The following TBC1D5 variants were observed in gnomAD, a reference collection of about 807,000 sequenced individuals.
TBC1D5 encodes TBC1 domain family member 5.
Under a neutral mutation model 100.3 loss-of-function variants are expected in TBC1D5, and 75 were observed. The observed-to-expected ratio is 0.75, with a 90% confidence interval of 0.62 to 0.91. The LOEUF (loss-of-function observed/expected upper bound fraction) is 0.91, where lower values mean the gene tolerates loss of function less well. Ranked by LOEUF, TBC1D5 falls within the 40% of genes least tolerant of loss-of-function variation. TBC1D5 has a pLI of 0.00. For missense variants in TBC1D5, 910 were observed against 942.4 expected (o/e 0.97, Z 0.45); for synonymous variants, 323 against 325.6 (o/e 0.99, Z 0.09).
intron 19 of TBC1D5, among the ~76,000 whole-genome samples, chr3:17,181,627 C>T (rs1033127767): frequency 6.6e-6 from 1 of 152,176 alleles, no homozygotes; most frequent in Non-Finnish European, 1.5e-5. Context: ...ACTTCACCAC[C>T]CTTACAACTG....
chr3:17,627,677 A>C (rs1163092974), intron 1 of TBC1D5, among the ~76,000 whole-genome samples: 1 of 151,448 alleles, frequency 6.6e-6, no homozygotes, highest in African/African-American at 2.4e-5. Flanking sequence ...TTTTTGAGAG[A>C]GAGAGAGAGA....
intron 2 of TBC1D5, among the ~76,000 whole-genome samples, chr3:17,573,853 A>G (rs1405661880): frequency 6.6e-6 from 1 of 151,896 alleles, no homozygotes; most frequent in African/African-American, 2.4e-5. Context: ...TCATCACACT[A>G]GATGTTAATT....
chr3:17,247,674 G>C (rs987707482), intron 16 of TBC1D5, among the ~76,000 whole-genome samples: 2 of 152,190 alleles, frequency 1.3e-5, no homozygotes, highest in Non-Finnish European at 2.9e-5. Flanking sequence ...AATAGCACAT[G>C]ATGCTATTTG....
intron 2 of TBC1D5, among the ~76,000 whole-genome samples, chr3:17,540,060 T>C (rs2096333618): frequency 6.6e-6 from 1 of 152,204 alleles, no homozygotes; most frequent in South Asian, 2.1e-4. Flanking sequence ...TGGTATTTCA[T>C]TATAGTTTTG....
chr3:17,736,259 T>C (rs1560588082), intron 1 of TBC1D5, among the ~76,000 whole-genome samples: 3 of 151,916 alleles, frequency 2.0e-5, no homozygotes, highest in Non-Finnish European at 4.4e-5. Flanking sequence ...ACCTTGTCTC[T>C]AAAAAATAAA....
At chr3:17,471,965 A>G (rs893566428) in intron 3 of TBC1D5, among the ~76,000 whole-genome samples, 3 of 152,174 alleles carry the variant, frequency 2.0e-5, no homozygotes, top group Non-Finnish European at 2.9e-5. Flanking sequence ...ACCCTTTAAC[A>G]TACTAAAATA....
chr3:17,162,383 C>G (rs931263977), intron 21 of TBC1D5, among the ~76,000 whole-genome samples: 4 of 152,244 alleles, frequency 2.6e-5, no homozygotes, highest in Admixed American at 1.3e-4. Context: ...TGGCCTTGAG[C>G]CCTGTCTGAT....
At chr3:17,348,598 C>T (rs2151606146) in intron 13 of TBC1D5, among the ~76,000 whole-genome samples, 1 of 152,248 alleles carries the variant, frequency 6.6e-6, no homozygotes, top group Admixed American at 6.5e-5. Context: ...TTTCTCTTGC[C>T]ACTTTCCACT....
At chr3:17,422,836 T>C (rs1029921161) in intron 4 of TBC1D5, among the ~76,000 whole-genome samples, 1 of 152,174 alleles carries the variant, frequency 6.6e-6, no homozygotes, top group Non-Finnish European at 1.5e-5. Flanking sequence ...TTATTGATTA[T>C]ATGCAACTAA....
chr3:17,392,971 A>C (rs929928328), intron 8 of TBC1D5, among the ~76,000 whole-genome samples: 1 of 151,720 alleles, frequency 6.6e-6, no homozygotes, highest in African/African-American at 2.4e-5. Flanking sequence ...ACTAATTTAC[A>C]CTCCCACCAA....
At chr3:17,200,558 A>G (rs2071342392) in intron 18 of TBC1D5, among the ~76,000 whole-genome samples, 1 of 152,270 alleles carries the variant, frequency 6.6e-6, no homozygotes, top group Non-Finnish European at 1.5e-5. Context: ...ATGCCCCTGC[A>G]ACCGCATCTG....
chr3:17,677,267 A>G (rs531427684), intron 1 of TBC1D5, among the ~76,000 whole-genome samples: 1 of 152,340 alleles, frequency 6.6e-6, no homozygotes, highest in East Asian at 1.9e-4. Context: ...ACAAAGGGCT[A>G]ATATCCAGAA....
chr3:17,173,192 T>C (rs1035895883), intron 19 of TBC1D5, among the ~76,000 whole-genome samples: 9 of 152,228 alleles, frequency 5.9e-5, no homozygotes, highest in African/African-American at 1.9e-4. Context: ...GGTCTGTTAT[T>C]TGAGGTCTCA....
intron 2 of TBC1D5, among the ~76,000 whole-genome samples, chr3:17,516,861 T>G (rs1197474142): frequency 6.6e-6 from 1 of 152,144 alleles, no homozygotes; most frequent in East Asian, 1.9e-4. Flanking sequence ...CCACTCTCCC[T>G]TCTCCCTCAA....
At chr3:17,299,807 C>T (rs1349549532) in intron 14 of TBC1D5, among the ~76,000 whole-genome samples, 1 of 136,602 alleles carries the variant, frequency 7.3e-6, no homozygotes, top group African/African-American at 2.8e-5. Context: ...TGCAGTGAGC[C>T]GAGATTGTGC....
intron 13 of TBC1D5, among the ~76,000 whole-genome samples, chr3:17,320,271 G>T (rs2085237879): frequency 6.6e-6 from 1 of 152,130 alleles, no homozygotes; most frequent in Non-Finnish European, 1.5e-5. Context: ...TTCAAAGTGT[G>T]GTCTCTAAAC....
intron 18 of TBC1D5, among the ~76,000 whole-genome samples, chr3:17,210,603 A>G (rs1226844624): frequency 1.3e-5 from 2 of 152,128 alleles, no homozygotes; most frequent in South Asian, 2.1e-4. Flanking sequence ...TTCCAACTCT[A>G]CAAGTCAGTA....
chr3:17,479,704 G>A (rs1316318019), intron 3 of TBC1D5, among the ~76,000 whole-genome samples: 10 of 152,204 alleles, frequency 6.6e-5, no homozygotes, highest in African/African-American at 1.4e-4. Context: ...CAGGTATGCT[G>A]TTATGTACCT....
chr3:17,699,510 T>C (rs1233712354), intron 1 of TBC1D5, among the ~76,000 whole-genome samples: 12 of 136,390 alleles, frequency 8.8e-5, no homozygotes, highest in African/African-American at 2.9e-4. Context: ...AACCTGCACA[T>C]TGTGCACATG....
Sources: allele counts gnomAD v4.1 joint callset (sites outside exome capture counted in the v4.1 genomes callset), GRCh38; gene constraint gnomAD v4.1.1; transcripts MANE v1.5; gene names NCBI Gene and HGNC (gene_info 2026-07-23, HGNC 2026-07-21).